CNTN4: variants seen among roughly 807,000 people sequenced by gnomAD.
CNTN4 encodes contactin-4.
In CNTN4, 77 loss-of-function variants were observed where a neutral mutation model predicts 122.5. The ratio of observed to expected loss-of-function variants is 0.63; its 90% CI spans 0.52 to 0.76. The LOEUF (loss-of-function observed/expected upper bound fraction) is 0.76, where lower values mean the gene tolerates loss of function less well. Ranked by LOEUF, CNTN4 falls within the 30% of genes least tolerant of loss-of-function variation. CNTN4 has a pLI of 0.00. For synonymous variants in CNTN4, 512 were observed against 447.0 expected, an observed-to-expected ratio of 1.15 and a Z score of -1.83; for missense variants, 1,256 against 1,259.1, an observed-to-expected ratio of 1.00 and a Z score of 0.04.
rs540554112 is a variant in CNTN4 at position 2,835,066 on chromosome 3, G to T, written c.454+15485G>T. 1.1e-3 allele frequency among the ~76,000 whole-genome samples: 162 copies of T among 151,614 alleles called. 2 individuals carry two copies. Among genetic ancestry groups the T allele is most frequent in the African/African-American group, 3.9e-3 (160 of 41,330 alleles). ...ACTACAGGCGCCCGCCACCACGCCC[G>T]GCTCATTTTTTTGTATTTTTAGTAG... On this transcript the variant is annotated intron_variant, in intron 7 of 24. Transcript: ENST00000418658.
At chr3:2,817,099 A>G (rs558800562) in intron 6 of CNTN4, among the ~76,000 whole-genome samples, 86 of 152,346 alleles carry the variant, frequency 5.6e-4, no homozygotes, top group Non-Finnish European at 2.5e-4. Context: ...AAACATGTGC[A>G]TAAGTATCAT....
intron 3 of CNTN4, among the ~76,000 whole-genome samples, chr3:2,423,095 C>G (rs540927962): frequency 2.6e-5 from 4 of 152,242 alleles, no homozygotes; most frequent in African/African-American, 9.6e-5. Flanking sequence ...GAACTGATAA[C>G]CAATTAAATA....
chr3:2,601,990 A>T (rs113224247), intron 4 of CNTN4, among the ~76,000 whole-genome samples: 17 of 152,324 alleles, frequency 1.1e-4, no homozygotes, highest in African/African-American at 2.9e-4. Flanking sequence ...AATGACAAAA[A>T]CCACATGATT....
Position 3,034,678 on chromosome 3 carries a change from T to C in CNTN4, c.1830T>C (p.Asp610=), listed in dbSNP as rs1295417920. ...PEAVTIDEIT[D]TTAQLSWRPG... ...CTGTGACAATAGACGAAATCACAGA[T>C]ACCACTGCTCAGCTCTCCTGGAGAC... Residue 610 remains aspartate (D), a synonymous_variant, in exon 17 of 25, where the codon GAT becomes GAC. Transcript: ENST00000418658. The C allele has an allele frequency of 1.9e-6, 3 of 1,614,170 alleles. No homozygotes were observed. Among genetic ancestry groups the C allele is most frequent in the Non-Finnish European group, 2.5e-6 (3 of 1,180,022 alleles).
chr3:2,915,942 T>C (rs1303311863), intron 12 of CNTN4, among the ~76,000 whole-genome samples: 1 of 152,194 alleles, frequency 6.6e-6, no homozygotes, highest in Non-Finnish European at 1.5e-5. Flanking sequence ...AAGCAAATAC[T>C]TCATGATTCC....
intron 2 of CNTN4, among the ~76,000 whole-genome samples, chr3:2,130,951 C>T (rs1365392469): frequency 6.6e-6 from 1 of 152,134 alleles, no homozygotes; most frequent in Non-Finnish European, 1.5e-5. Context: ...TCTTTTTCAG[C>T]TGAGGTCAGG....
chr3:2,536,719 C>T (rs1042051403), intron 3 of CNTN4, among the ~76,000 whole-genome samples: 6 of 151,834 alleles, frequency 4.0e-5, no homozygotes, highest in Non-Finnish European at 7.4e-5. Context: ...CCACAAGCCA[C>T]CCCTAAAAAA....
At chr3:2,567,792 A>C (rs1451159874) in intron 3 of CNTN4, among the ~76,000 whole-genome samples, 1 of 151,930 alleles carries the variant, frequency 6.6e-6, no homozygotes, top group African/African-American at 2.4e-5. Flanking sequence ...CCTCCCTCTT[A>C]TTTATCCTTT....
intron 2 of CNTN4, among the ~76,000 whole-genome samples, chr3:2,134,348 C>G (rs569659152): frequency 5.9e-5 from 9 of 152,252 alleles, no homozygotes; most frequent in African/African-American, 1.9e-4. Context: ...AATTCGTACC[C>G]CAGTCTGCAT....
chr3:3,009,456 T>G lies in CNTN4; in HGVS notation c.1487-16646T>G, dbSNP rs182262665. On this transcript the variant is annotated intron_variant, in intron 14 of 24. Transcript: ENST00000418658. ...GACAGAATTTCTTTTTTTTTTGAGA[T>G]GGAGTCTTGCTCTGTCGCCCAGGCT... 2.7e-3 allele frequency among the ~76,000 whole-genome samples: 404 copies of G among 151,858 alleles called. 1 individual carries two copies. Among genetic ancestry groups the G allele is most frequent in the African/African-American group, 8.8e-3 (365 of 41,344 alleles).
chr3:2,175,935 C>T (rs1285783163), intron 2 of CNTN4, among the ~76,000 whole-genome samples: 3 of 152,152 alleles, frequency 2.0e-5, no homozygotes, highest in Non-Finnish European at 4.4e-5. Context: ...GCCCTCTTTA[C>T]CAACCCCTTC....
At chr3:2,222,902 TC>T (rs902879622) in intron 2 of CNTN4, among the ~76,000 whole-genome samples, 1 of 152,104 alleles carries the variant, frequency 6.6e-6, no homozygotes, top group Non-Finnish European at 1.5e-5. Context: ...TTTATTACCT[TC>T]CCCAACCCCT....
At chr3:2,391,550 A>G (rs1305413905) in intron 3 of CNTN4, among the ~76,000 whole-genome samples, 1 of 152,206 alleles carries the variant, frequency 6.6e-6, no homozygotes, top group Admixed American at 6.5e-5. Flanking sequence ...TGTTCTTCTA[A>G]CATATCCCCC....
At chr3:2,893,655 G>A (rs146530504) in intron 10 of CNTN4, among the ~76,000 whole-genome samples, 486 of 152,018 alleles carry the variant, frequency 3.2e-3, no homozygotes, top group Non-Finnish European at 4.7e-3. Context: ...AATAAGAAAC[G>A]TTAAGCCATG....
intron 3 of CNTN4, among the ~76,000 whole-genome samples, chr3:2,513,935 A>G (rs1325000495): frequency 2.0e-5 from 3 of 152,118 alleles, no homozygotes; most frequent in Non-Finnish European, 4.4e-5. Flanking sequence ...GAATAAAGGA[A>G]AAGTCTTGAA....
chr3:2,171,576 AAGTC>A (rs1243333774), intron 2 of CNTN4, among the ~76,000 whole-genome samples: 4 of 152,204 alleles, frequency 2.6e-5, no homozygotes, highest in Admixed American at 1.3e-4. Flanking sequence ...TGGGTTAAAA[AAGTC>A]AGTGGGACAT....
At position 2,431,564 on chromosome 3, in the gene CNTN4, G is replaced by A. The variant is rs139037974; in HGVS notation, c.-89+92331G>A. Reference sequence around the variant, plus strand: ...TGACTTTTTTTAAAGAAGAAATTCCGTGGAATAGATAAGAGGAACCATAAT... The same window carrying A: ...TGACTTTTTTTAAAGAAGAAATTCCATGGAATAGATAAGAGGAACCATAAT... On this transcript the variant is annotated intron_variant, in intron 3 of 24. Transcript: ENST00000418658. 5.0e-4 allele frequency among the ~76,000 whole-genome samples: 76 copies of A among 152,208 alleles called. No individual in the cohort carries two copies. In the East Asian group the frequency reaches 0.011, roughly 21 times the overall value.
chr3:3,039,121 T>C (rs1382060883), intron 19 of CNTN4, 118 bp downstream of exon 19: 16 of 921,286 alleles, frequency 1.7e-5, no homozygotes, highest in Non-Finnish European at 2.8e-5. Context: ...AAAATTCATT[T>C]GGGTTCAGAC....
At chr3:2,150,375 C>A (rs1319549233) in intron 2 of CNTN4, among the ~76,000 whole-genome samples, 1 of 152,196 alleles carries the variant, frequency 6.6e-6, no homozygotes, top group Non-Finnish European at 1.5e-5. Flanking sequence ...ACGTAGACTT[C>A]TGCACATTCT....
Sources: allele counts gnomAD v4.1 joint callset (sites outside exome capture counted in the v4.1 genomes callset), GRCh38; gene constraint gnomAD v4.1.1; transcripts MANE v1.5; gene names NCBI Gene and HGNC (gene_info 2026-07-23, HGNC 2026-07-21).